DLGAP1: variants seen among roughly 807,000 people sequenced by gnomAD.
DLGAP1 encodes DLG associated protein 1, also known as disks large-associated protein 1.
A neutral mutation model predicts 90.8 loss-of-function variants in DLGAP1; 11 were observed. The ratio of observed to expected loss-of-function variants is 0.12; its 90% CI spans 0.08 to 0.20. The LOEUF (loss-of-function observed/expected upper bound fraction) is 0.20. Among genes scored for constraint, DLGAP1 ranks in the 10% least tolerant of loss-of-function variants. The probability of loss-of-function intolerance (pLI) is 1.00; values close to 1 mark genes in which losing one functional copy is unlikely to be tolerated. For synonymous variants in DLGAP1, 558 were observed against 540.7 expected, an observed-to-expected ratio of 1.03 and a Z score of -0.44; for missense variants, 1,050 against 1,333.8, an observed-to-expected ratio of 0.79 and a Z score of 3.31.
At chr18:3,701,033 G>A (rs1424788212) in intron 7 of DLGAP1, among the ~76,000 whole-genome samples, 1 of 152,126 alleles carries the variant, frequency 6.6e-6, no homozygotes, top group Non-Finnish European at 1.5e-5. Flanking sequence ...AGTGCACTCT[G>A]CCATACCAGG....
chr18:4,235,518 T>C (rs1007184433), intron 1 of DLGAP1, among the ~76,000 whole-genome samples: 1 of 152,128 alleles, frequency 6.6e-6, no homozygotes, highest in African/African-American at 2.4e-5. Flanking sequence ...CTGCTGTTTT[T>C]TTAATTCCTA....
intron 1 of DLGAP1, among the ~76,000 whole-genome samples, chr18:4,253,982 C>G (rs1232123194): frequency 6.6e-6 from 1 of 152,184 alleles, no homozygotes; most frequent in Admixed American, 6.5e-5. Flanking sequence ...TTTCCCCATT[C>G]CTTTCTGAAA....
Position 3,957,889 on chromosome 18 carries a change from C to T in DLGAP1, c.-73+47227G>A, listed in dbSNP as rs2148977404. Among the ~76,000 whole-genome samples, 3 of 151,618 alleles carry T rather than the reference C, an allele frequency of 2.0e-5. No individual in the cohort carries two copies. The East Asian group carries it at 5.8e-4, about 29-fold the overall frequency. On this transcript the variant is annotated intron_variant, in intron 3 of 12. Transcript: ENST00000315677. ...AGTCATTTTTACATTCTTCCCTATT[C>T]CATACTTTTTTTTTTTTTTTTGAGA...
chr18:3,903,897 G>T (rs1013631683), intron 3 of DLGAP1, among the ~76,000 whole-genome samples: 1 of 152,196 alleles, frequency 6.6e-6, no homozygotes, highest in African/African-American at 2.4e-5. Flanking sequence ...AGTGTTTCTA[G>T]AACTATTCTG....
intron 1 of DLGAP1, among the ~76,000 whole-genome samples, chr18:4,318,069 C>T (rs1405341927): frequency 6.6e-6 from 1 of 152,124 alleles, no homozygotes; most frequent in African/African-American, 2.4e-5. Context: ...GCCTTCTCAG[C>T]CTCTCAAAGT....
intron 2 of DLGAP1, among the ~76,000 whole-genome samples, chr18:4,062,736 G>C (rs897549458): frequency 6.6e-6 from 1 of 152,120 alleles, no homozygotes; most frequent in African/African-American, 2.4e-5. Context: ...GAGAATGGGA[G>C]AGAAAAATTA....
chr18:3,715,919 GA>G (rs1171188155), intron 7 of DLGAP1, among the ~76,000 whole-genome samples: 2 of 152,176 alleles, frequency 1.3e-5, no homozygotes, highest in Admixed American at 6.5e-5. Flanking sequence ...TGAAGAGGGG[GA>G]AAAAAGCCCT....
At position 3,879,959 on chromosome 18, in the gene DLGAP1, A is replaced by T. The variant is rs760259409; in HGVS notation, c.110T>A (p.Val37Glu). The change falls in exon 4 of 13, where the codon GTG becomes GAG. Residue 37 changes from valine (V) to glutamate (E), a missense_variant. Val to Glu is a moderately radical substitution (Grantham distance 121, BLOSUM62 -2). Coordinates refer to ENST00000315677, the MANE Select transcript of DLGAP1 (RefSeq NM_004746.4). This position sits in a 1 kb window ranked among gnomAD's most constrained non-coding sequence, Gnocchi z 6.6. ...SDRKPYLLSP[V>E]EHHPADHPYY... ...TGGGTGGTCTGCGGGGTGGTGCTCC[A>T]CTGGGCTCAGCAGGTAGGGCTTGCG... 3.1e-6 allele frequency: 5 copies of T among 1,612,914 alleles called. No homozygotes were observed. The East Asian group carries it at 1.1e-4, about 36-fold the overall frequency.
intron 1 of DLGAP1, among the ~76,000 whole-genome samples, chr18:4,202,318 A>T (rs2077623257): frequency 6.6e-6 from 1 of 152,212 alleles, no homozygotes; most frequent in African/African-American, 2.4e-5. Context: ...ACAAAGAGGA[A>T]TACATAGTGG....
At chr18:4,033,659 T>C (rs2074836228) in intron 2 of DLGAP1, among the ~76,000 whole-genome samples, 1 of 152,208 alleles carries the variant, frequency 6.6e-6, no homozygotes, top group Admixed American at 6.5e-5. Flanking sequence ...AAATTTAAAT[T>C]ATTTTTTTCC....
chr18:4,284,249 C>T (rs990463125), intron 1 of DLGAP1, among the ~76,000 whole-genome samples: 7 of 150,498 alleles, frequency 4.7e-5, no homozygotes, highest in African/African-American at 1.7e-4. Flanking sequence ...CAGGGAGAAG[C>T]CTTTCAGCAG....
chr18:4,093,300 T>C (rs940002002), intron 2 of DLGAP1, among the ~76,000 whole-genome samples: 1 of 152,176 alleles, frequency 6.6e-6, no homozygotes, highest in African/African-American at 2.4e-5. Context: ...TGTGACTCTA[T>C]CTAGGCTTTG....
chr18:3,606,848 T>A (rs2057349250), intron 7 of DLGAP1: 1 of 152,282 alleles, frequency 6.6e-6, no homozygotes, highest in Non-Finnish European at 1.5e-5. Context: ...TACAATTTTT[T>A]TCTTTTTGAG....
intron 2 of DLGAP1, among the ~76,000 whole-genome samples, chr18:4,052,293 C>T (rs1040730787): frequency 6.6e-6 from 1 of 152,174 alleles, no homozygotes; most frequent in African/African-American, 2.4e-5. Flanking sequence ...TAAACTTCTG[C>T]TTGGATATCC....
At chr18:4,069,809 T>G (rs1373165940) in intron 2 of DLGAP1, among the ~76,000 whole-genome samples, 2 of 152,216 alleles carry the variant, frequency 1.3e-5, no homozygotes, top group African/African-American at 2.4e-5. Context: ...ACTAATACAC[T>G]GGCCAATTTA....
At chr18:4,036,086 C>G (rs539185832) in intron 2 of DLGAP1, among the ~76,000 whole-genome samples, 3 of 152,020 alleles carry the variant, frequency 2.0e-5, no homozygotes, top group Non-Finnish European at 4.4e-5. Flanking sequence ...AGAACAGATA[C>G]CTTTAAAACT....
intron 7 of DLGAP1, among the ~76,000 whole-genome samples, chr18:3,605,095 C>T (rs1021918693): frequency 2.0e-5 from 3 of 152,200 alleles, no homozygotes; most frequent in African/African-American, 7.2e-5. Context: ...GTTTACAAAT[C>T]TCCCCTCAGG....
chr18:3,804,023 T>C (rs1459662989), intron 5 of DLGAP1, among the ~76,000 whole-genome samples: 16 of 146,100 alleles, frequency 1.1e-4, no homozygotes, highest in Admixed American at 6.9e-4. Context: ...TGAGACAGTC[T>C]GGCTCTGTCG....
At chr18:3,925,556 A>C (rs1017068004) in intron 3 of DLGAP1, among the ~76,000 whole-genome samples, 2 of 152,118 alleles carry the variant, frequency 1.3e-5, no homozygotes, top group Admixed American at 6.5e-5. Context: ...AATGTGTATA[A>C]AAAAATTAGG....
Sources: gnomAD v4.1 joint callset for allele counts (sites outside exome capture counted in the v4.1 genomes callset) on GRCh38, gnomAD v4.1.1 for gene constraint, Gnocchi (gnomAD v3.1) non-coding constraint, MANE v1.5 for transcripts, NCBI Gene and HGNC (gene_info 2026-07-23, HGNC 2026-07-21) for gene names.